CYP39A1: variants seen among roughly 807,000 people sequenced by gnomAD.
CYP39A1 encodes cytochrome P450 family 39 subfamily A member 1, also known as 24-hydroxycholesterol 7-alpha-hydroxylase.
In CYP39A1, 49 loss-of-function variants were observed where a neutral mutation model predicts 58.1. The observed-to-expected ratio is 0.84, with a 90% CI of 0.67 to 1.07. The LOEUF (loss-of-function observed/expected upper bound fraction) is 1.07. Among genes scored for constraint, CYP39A1 ranks in the 50% least tolerant of loss-of-function variants. CYP39A1 has a pLI of 0.00. For synonymous variants in CYP39A1, 209 were observed against 187.6 expected (o/e 1.11, Z -0.93); for missense variants, 531 against 539.4 (o/e 0.98, Z 0.16).
rs370283944 is a variant in CYP39A1, at chr6:46,652,324, C to G, written c.177+82G>C. 3.6e-6 allele frequency: 5 copies of G among 1,374,212 alleles called. No individual in the cohort carries two copies. The African/African-American group carries it at 4.4e-5, about 12-fold the overall frequency. The allele number at this position is 1,374,212 out of a possible 1,614,324, so 85.1% of individuals were successfully genotyped here. On this transcript the variant is annotated intron_variant, in intron 1 of 11. Coordinates refer to ENST00000275016, the MANE Select transcript of CYP39A1 (RefSeq NM_016593.5). ...CAGGTATGTTCCCCGTGTTCTAGCC[C>G]TGCACTTAAGAGTCAATGAAAGAAA... is the stretch of plus-strand genomic sequence containing the variant.
rs377304347 is a variant in CYP39A1 at position 46,596,065 on chromosome 6, T to C, written c.987A>G (p.Lys329=). 4 of 1,611,656 alleles carry C rather than the reference T, an allele frequency of 2.5e-6. No homozygotes were observed. Among genetic ancestry groups the C allele is most frequent in the East Asian group, 2.2e-5 (1 of 44,762 alleles). Residue 329 remains lysine (K), a synonymous_variant, in exon 8 of 12, where the codon AAA becomes AAG. Transcript: ENST00000275016. ...EDDLENLLLI[K]WCVLETIRLK... Reference sequence around the variant, plus strand: ...AACGAATGGTTTCCAAAACACACCATTTAATTAGAAGGAGATTCTCCAGGT... The same window carrying C: ...AACGAATGGTTTCCAAAACACACCACTTAATTAGAAGGAGATTCTCCAGGT...
At chr6:46,600,107 C>CTTTCT (rs143438413) in intron 7 of CYP39A1, among the ~76,000 whole-genome samples, 23 of 151,640 alleles carry the variant, frequency 1.5e-4, no homozygotes, top group East Asian at 1.9e-4. Flanking sequence ...TAATAAGCCC[C>CTTTCT]TTTCTTTTCT....
chr6:46,620,471 T>A (rs1774885738), intron 7 of CYP39A1, among the ~76,000 whole-genome samples: 2 of 152,160 alleles, frequency 1.3e-5, no homozygotes, highest in African/African-American at 4.8e-5. Flanking sequence ...AGTCAGTAGG[T>A]AACTGTTGGA....
chr6:46,650,484 C>CCTTT (rs1762613732), intron 1 of CYP39A1, among the ~76,000 whole-genome samples: 1 of 35,174 alleles, frequency 2.8e-5, no homozygotes, highest in African/African-American at 1.3e-4. Flanking sequence ...CAGTCATATT[C>CCTTT]TTTTTTTTTT....
intron 10 of CYP39A1, among the ~76,000 whole-genome samples, chr6:46,568,558 TG>T: frequency 6.6e-6 from 1 of 152,136 alleles, no homozygotes; most frequent in East Asian, 1.9e-4. Context: ...GAGTTAATTT[TG>T]GTGTATGGTA....
At chr6:46,604,301 C>G (rs965730559) in intron 7 of CYP39A1, among the ~76,000 whole-genome samples, 2 of 152,194 alleles carry the variant, frequency 1.3e-5, no homozygotes, top group African/African-American at 4.8e-5. Context: ...ATACAATCAC[C>G]TTTTCCTGAC....
At chr6:46,652,288 G>C (rs1762745072) in intron 1 of CYP39A1, 118 bp downstream of exon 1, 2 of 991,688 alleles carry the variant, frequency 2.0e-6, no homozygotes, top group Admixed American at 5.4e-5. Flanking sequence ...AGATCCTTTA[G>C]TTGAGGCAAG....
chr6:46,610,650 T>C (rs1774159842), intron 7 of CYP39A1, among the ~76,000 whole-genome samples: 1 of 152,178 alleles, frequency 6.6e-6, no homozygotes, highest in African/African-American at 2.4e-5. Context: ...TGGTCACATT[T>C]CTAATAATTT....
At chr6:46,569,382 G>C (rs151032147) in intron 10 of CYP39A1, among the ~76,000 whole-genome samples, 243 of 151,800 alleles carry the variant, frequency 1.6e-3, no homozygotes, top group African/African-American at 5.6e-3. Context: ...TTGCCTAATT[G>C]CTCTGGCTAC....
At chr6:46,588,330 T>C (rs1772602852) in intron 8 of CYP39A1, among the ~76,000 whole-genome samples, 1 of 150,414 alleles carries the variant, frequency 6.6e-6, no homozygotes, top group Non-Finnish European at 1.5e-5. Context: ...ATATAGTATC[T>C]ATATAATTCT....
chr6:46,636,218 T>C (rs575446373), intron 5 of CYP39A1, among the ~76,000 whole-genome samples, 171 bp downstream of exon 5: 1 of 152,320 alleles, frequency 6.6e-6, no homozygotes, highest in African/African-American at 2.4e-5. Context: ...CTCTTCTACA[T>C]AGGTTGTTGT....
intron 7 of CYP39A1, among the ~76,000 whole-genome samples, chr6:46,621,954 T>C (rs1412869792): frequency 1.3e-5 from 2 of 152,160 alleles, no homozygotes; most frequent in Non-Finnish European, 2.9e-5. Context: ...AAGAAAATTA[T>C]ACATGAGGAT....
rs1047078805 is a variant in CYP39A1 at position 46,635,076 on chromosome 6, T to C, written c.732+1313A>G. On this transcript the variant is annotated intron_variant, in intron 5 of 11. Coordinates refer to ENST00000275016, the MANE Select transcript of CYP39A1 (RefSeq NM_016593.5). ...GGAAGGAGATACCTAAACATTCACA[T>C]AGTCCTTTTTCCTAAGGCCATCTTC... Among the ~76,000 whole-genome samples, 5 of 152,226 alleles carry C rather than the reference T, an allele frequency of 3.3e-5. No homozygotes were observed. The South Asian group carries it at 1.0e-3, about 31-fold the overall frequency.
intron 10 of CYP39A1, among the ~76,000 whole-genome samples, chr6:46,554,813 T>G (rs1026658867): frequency 6.6e-6 from 1 of 152,112 alleles, no homozygotes; most frequent in Non-Finnish European, 1.5e-5. Context: ...CAAGTCCTTT[T>G]TTTATGGTTC....
At chr6:46,558,336 A>G (rs1185962116) in intron 10 of CYP39A1, among the ~76,000 whole-genome samples, 3 of 152,184 alleles carry the variant, frequency 2.0e-5, no homozygotes, top group African/African-American at 4.8e-5. Flanking sequence ...GAAACTTGCA[A>G]TCATGGCAGA....
rs1323560988 is a variant in CYP39A1 at position 46,625,483 on chromosome 6, A to T, written c.866T>A (p.Val289Asp). Residue 289 changes from valine to aspartate, a missense_variant, in exon 7 of 12, where the codon GTC (valine) becomes GAC (aspartate). Physicochemically the swap from Val to Asp is radical, Grantham distance 152 (BLOSUM62 -3). Coordinates refer to ENST00000275016, the MANE Select transcript of CYP39A1 (RefSeq NM_016593.5). ...CTTGTGGATATCAGGATGAGAAAGGACGTATGCAAGTGTCCAAAATGCAAC... is the reference window on the plus strand; with the variant it reads ...CTTGTGGATATCAGGATGAGAAAGGTCGTATGCAAGTGTCCAAAATGCAAC... The part of the protein sequence containing the change: ...VPVAFWTLAY[V>D]LSHPDIHKAI... 3.1e-6 allele frequency: 5 copies of T among 1,611,020 alleles called. No individual in the cohort carries two copies. Among genetic ancestry groups the T allele is most frequent in the African/African-American group, 1.3e-5 (1 of 74,854 alleles).
chr6:46,649,634 AAAATAAAAATCTATAATTCT>A (rs1425598671), intron 1 of CYP39A1, among the ~76,000 whole-genome samples: 3 of 152,236 alleles, frequency 2.0e-5, no homozygotes, highest in African/African-American at 7.2e-5. Flanking sequence ...TATAAGGCGG[AAAATAAAAATCTATAATTCT>A]ATTTGCTTGT....
Position 46,651,229 on chromosome 6 carries a change from T to G in CYP39A1, c.177+1177A>C, listed in dbSNP as rs552363413. 9.2e-5 allele frequency among the ~76,000 whole-genome samples: 14 copies of G among 152,302 alleles called. No individual in the cohort carries two copies. The South Asian group carries it at 2.5e-3, about 27-fold the overall frequency. ...AATGTACAACCACACAATCAATACA[T>G]GCACACAAACACGCAAGAATGTTCA... On this transcript the variant is annotated intron_variant, in intron 1 of 11. Transcript: ENST00000275016.
At chr6:46,607,567 T>C (rs1773925661) in intron 7 of CYP39A1, among the ~76,000 whole-genome samples, 1 of 151,976 alleles carries the variant, frequency 6.6e-6, no homozygotes, top group Non-Finnish European at 1.5e-5. Flanking sequence ...GTAATATTCA[T>C]TAAAAATTTA....
Sources: allele counts gnomAD v4.1 joint callset (sites outside exome capture counted in the v4.1 genomes callset), GRCh38; gene constraint gnomAD v4.1.1; transcripts MANE v1.5; gene names NCBI Gene and HGNC (gene_info 2026-07-23, HGNC 2026-07-21).